The following CDH12 variants were observed in gnomAD, a reference collection of about 807,000 sequenced individuals.
The protein encoded by CDH12 is cadherin-12.
Under a neutral mutation model 74.1 loss-of-function variants are expected in CDH12, and 41 were observed. That is an observed-to-expected ratio of 0.55 (90% CI 0.43 to 0.72). The LOEUF is 0.72. CDH12 is among the 30% of genes least tolerant of loss of function. The probability of loss-of-function intolerance (pLI) is 0.00; values close to 1 mark genes in which losing one functional copy is unlikely to be tolerated. For missense variants in CDH12, 945 were observed against 977.2 expected, an observed-to-expected ratio of 0.97 and a Z score of 0.44; for synonymous variants, 399 against 355.0, an observed-to-expected ratio of 1.12 and a Z score of -1.39.
intron 1 of CDH12, among the ~76,000 whole-genome samples, chr5:22,831,292 A>T (rs1460711510): frequency 2.0e-5 from 3 of 151,964 alleles, no homozygotes; most frequent in Non-Finnish European, 4.4e-5. Flanking sequence ...GTGAAAGAGA[A>T]TTGAGATGAT....
chr5:22,536,503 A>ATT (rs1214221849), intron 1 of CDH12, among the ~76,000 whole-genome samples: 1 of 151,994 alleles, frequency 6.6e-6, no homozygotes, highest in Non-Finnish European at 1.5e-5. Context: ...TGAAAGTGGT[A>ATT]TTTTTTACAG....
chr5:22,351,363 G>A (rs1284182065), intron 3 of CDH12, among the ~76,000 whole-genome samples: 2 of 152,148 alleles, frequency 1.3e-5, no homozygotes, highest in Non-Finnish European at 2.9e-5. Flanking sequence ...TGATGGCCCT[G>A]CCAAGCCAGC....
intron 6 of CDH12, among the ~76,000 whole-genome samples, chr5:21,864,473 T>A (rs892481361): frequency 1.3e-5 from 2 of 152,138 alleles, no homozygotes; most frequent in African/African-American, 4.8e-5. Flanking sequence ...CCTTCCCTCA[T>A]GGAATCATGC....
chr5:22,682,483 T>C (rs1580883050), intron 1 of CDH12, among the ~76,000 whole-genome samples: 1 of 152,230 alleles, frequency 6.6e-6, no homozygotes, highest in East Asian at 1.9e-4. Flanking sequence ...TCTTATATGG[T>C]AACTTGTATA....
At chr5:22,751,918 G>A (rs753966948) in intron 1 of CDH12, among the ~76,000 whole-genome samples, 10 of 151,806 alleles carry the variant, frequency 6.6e-5, no homozygotes, top group Non-Finnish European at 1.2e-4. Context: ...CATCTATTTC[G>A]GCAGTATTCT....
At chr5:22,488,205 G>T (rs1172439932) in intron 2 of CDH12, among the ~76,000 whole-genome samples, 3 of 152,118 alleles carry the variant, frequency 2.0e-5, no homozygotes, top group East Asian at 1.9e-4. Flanking sequence ...GCCAATATTC[G>T]TTGTCTGCTT....
chr5:21,825,387 A>G (rs1748614398), intron 8 of CDH12, among the ~76,000 whole-genome samples: 1 of 152,058 alleles, frequency 6.6e-6, no homozygotes, highest in Non-Finnish European at 1.5e-5. Flanking sequence ...TTTCTTCTTA[A>G]ACTCCAACAA....
intron 6 of CDH12, among the ~76,000 whole-genome samples, chr5:21,876,369 C>T (rs1223705096): frequency 2.0e-5 from 3 of 152,150 alleles, no homozygotes; most frequent in Admixed American, 2.0e-4. Flanking sequence ...GTCTCTCACT[C>T]TACATGCCTA....
At chr5:22,561,450 CAAATT>C (rs2126749987) in intron 1 of CDH12, among the ~76,000 whole-genome samples, 1 of 151,956 alleles carries the variant, frequency 6.6e-6, no homozygotes, top group East Asian at 1.9e-4. Context: ...ATAATTAAAA[CAAATT>C]AATTCTGATT....
At chr5:22,433,590 C>T (rs1304498242) in intron 2 of CDH12, among the ~76,000 whole-genome samples, 6 of 151,990 alleles carry the variant, frequency 3.9e-5, no homozygotes, top group Non-Finnish European at 8.8e-5. Context: ...ATTTATTCAT[C>T]CCCTACCATG....
intron 10 of CDH12, among the ~76,000 whole-genome samples, chr5:21,791,121 T>C (rs993080562): frequency 1.3e-5 from 2 of 152,058 alleles, no homozygotes; most frequent in African/African-American, 4.8e-5. Context: ...CATCTTCTCA[T>C]AGTTAGCCAG....
intron 4 of CDH12, among the ~76,000 whole-genome samples, chr5:22,184,011 C>A (rs1263120379): frequency 6.8e-6 from 1 of 147,006 alleles, no homozygotes; most frequent in Non-Finnish European, 1.5e-5. Flanking sequence ...AGAATAAATA[C>A]CCTAGTGATA....
chr5:21,785,656 G>T (rs758069119), intron 10 of CDH12, among the ~76,000 whole-genome samples: 29 of 152,190 alleles, frequency 1.9e-4, no homozygotes, highest in Non-Finnish European at 3.2e-4. Flanking sequence ...CCAGAATATA[G>T]CCCTAGCTGT....
chr5:22,160,198 G>T (rs1748258800), intron 4 of CDH12, among the ~76,000 whole-genome samples: 1 of 152,056 alleles, frequency 6.6e-6, no homozygotes, highest in Non-Finnish European at 1.5e-5. Context: ...ATTCAGTCTG[G>T]CAGAAAAATG....
intron 3 of CDH12, among the ~76,000 whole-genome samples, chr5:22,287,568 C>A (rs1030632512): frequency 1.3e-5 from 2 of 151,596 alleles, no homozygotes; most frequent in South Asian, 2.1e-4. Flanking sequence ...ACTAAAAATA[C>A]AAAAAATTAG....
intron 6 of CDH12, among the ~76,000 whole-genome samples, chr5:21,908,924 A>C (rs1266439283): frequency 6.6e-6 from 1 of 152,168 alleles, no homozygotes; most frequent in Non-Finnish European, 1.5e-5. Context: ...GTGTAAAAAA[A>C]AAATTATTTA....
chr5:22,370,817 G>A (rs918165651), intron 3 of CDH12, among the ~76,000 whole-genome samples: 1 of 152,070 alleles, frequency 6.6e-6, no homozygotes, highest in African/African-American at 2.4e-5. Context: ...TAGATAACCT[G>A]ACCTGTTCTG....
chr5:22,816,364 T>C (rs767351412), intron 1 of CDH12, among the ~76,000 whole-genome samples: 3 of 152,168 alleles, frequency 2.0e-5, no homozygotes, highest in Admixed American at 6.5e-5. Context: ...GGTCTATTTC[T>C]TCCTAGACTG....
At chr5:22,710,959 GT>G (rs1231203786) in intron 1 of CDH12, among the ~76,000 whole-genome samples, 3 of 152,110 alleles carry the variant, frequency 2.0e-5, no homozygotes, top group Non-Finnish European at 4.4e-5. Flanking sequence ...GTAATGTATT[GT>G]CTGGTCACTA....
Sources: allele counts gnomAD v4.1 joint callset (sites outside exome capture counted in the v4.1 genomes callset), GRCh38; gene constraint gnomAD v4.1.1; transcripts MANE v1.5; gene names NCBI Gene and HGNC (gene_info 2026-07-23, HGNC 2026-07-21).